Variants in COLGALT2 observed in about 807,000 individuals in gnomAD.
COLGALT2 encodes the protein collagen beta(1-O)galactosyltransferase 2.
COLGALT2 carries 49 observed loss-of-function variants against 73.4 expected under a neutral mutation model. The ratio of observed to expected loss-of-function variants is 0.67; its 90% CI spans 0.53 to 0.85. COLGALT2 has a LOEUF of 0.85. COLGALT2 is among the 40% of genes least tolerant of loss of function. COLGALT2 has a pLI of 0.00. For synonymous variants in COLGALT2, 295 were observed against 307.6 expected, an observed-to-expected ratio of 0.96 and a Z score of 0.43; for missense variants, 722 against 790.2, an observed-to-expected ratio of 0.91 and a Z score of 1.03.
At position 183,965,231 on chromosome 1, in the gene COLGALT2, G is replaced by T. The variant is rs566184274; in HGVS notation, c.833-1211C>A. Reference sequence around the variant, plus strand: ...AAAGTGCACCTTCTTGTAAAGTCATGATGAATTCAGGAAGTGGAAGGAAAA... The same window carrying T: ...AAAGTGCACCTTCTTGTAAAGTCATTATGAATTCAGGAAGTGGAAGGAAAA... On this transcript the variant is annotated intron_variant, in intron 5 of 11. Transcript: ENST00000361927. 7.2e-5 allele frequency among the ~76,000 whole-genome samples: 11 copies of T among 152,200 alleles called. No individual in the cohort carries two copies. The South Asian group carries it at 2.3e-3, about 32-fold the overall frequency.
chr1:183,948,330 A>G (rs577194610), intron 8 of COLGALT2, among the ~76,000 whole-genome samples: 6 of 152,340 alleles, frequency 3.9e-5, no homozygotes, highest in Non-Finnish European at 8.8e-5. Context: ...CTTCAAGCAA[A>G]TACTAGCAAG....
At chr1:183,930,288 G>A (rs1353002615) in exon 12 of COLGALT2, 2 of 456,158 alleles carry the variant, frequency 4.4e-6, no homozygotes, top group Middle Eastern at 3.2e-4. Context: ...CTTGAGAGGA[G>A]GCTGCACAGA....
At chr1:183,950,732 A>G (rs1368777698) in intron 8 of COLGALT2, among the ~76,000 whole-genome samples, 1 of 152,170 alleles carries the variant, frequency 6.6e-6, no homozygotes, top group Admixed American at 6.5e-5. Context: ...GAAAACCACC[A>G]CAACTGTTGC....
chr1:183,979,690 T>C (rs890636776), intron 1 of COLGALT2, among the ~76,000 whole-genome samples: 6 of 152,052 alleles, frequency 3.9e-5, no homozygotes, highest in African/African-American at 1.4e-4. Context: ...ACCCCTAATA[T>C]AGTAGAAAGT....
In COLGALT2 at chr1:183,951,022, T is replaced by G; in HGVS notation, c.1121A>C (p.Glu374Ala). The G allele has an allele frequency of 1.2e-6, 2 of 1,613,212 alleles. No homozygotes were observed. The highest frequency in any genetic ancestry group is 1.7e-6 in the Non-Finnish European group (2 of 1,179,258). ...CCCAACTCACTTTCCATCCACAGCCTCGACAATCTTGACCTCAATCTCCTG... is the reference window on the plus strand; with the variant it reads ...CCCAACTCACTTTCCATCCACAGCCGCGACAATCTTGACCTCAATCTCCTG... ...YEQEIEVKIV[E>A]AVDGKALNTS... The change falls in exon 8 of 12, where the codon GAG becomes GCG. Residue 374 changes from glutamate (E) to alanine (A), a missense_variant. Physicochemically the swap from Glu to Ala is moderately radical, Grantham distance 107. Coordinates refer to ENST00000361927, the MANE Select transcript of COLGALT2 (RefSeq NM_015101.4).
intron 3 of COLGALT2, 61 bp from the exon 4 acceptor site, chr1:183,973,811 T>C (rs1160962958): frequency 1.3e-6 from 2 of 1,538,168 alleles, no homozygotes; most frequent in Admixed American, 3.5e-5. Flanking sequence ...AGTTTGAGAA[T>C]AACCCAGCCC....
chr1:183,936,510 T>C lies in COLGALT2; in HGVS notation c.*2251A>G. 2.0e-6 allele frequency: 2 copies of C among 1,016,500 alleles called. No individual in the cohort carries two copies. Among genetic ancestry groups the C allele is most frequent in the Non-Finnish European group, 2.4e-6 (2 of 850,772 alleles). The allele number at this position is 1,016,500 out of a possible 1,614,324, so 63.0% of individuals were successfully genotyped here. ...GAGTTCTTAAATCTGTCAGACCAGC[T>C]GACAGGGGAACAGGAAAAAAAAAAT... On this transcript the variant is annotated 3_prime_UTR_variant, in exon 12 of 12. Coordinates refer to ENST00000361927, the MANE Select transcript of COLGALT2 (RefSeq NM_015101.4).
At chr1:184,032,208 T>C (rs1287337407) in intron 1 of COLGALT2, among the ~76,000 whole-genome samples, 1 of 152,198 alleles carries the variant, frequency 6.6e-6, no homozygotes, top group Admixed American at 6.5e-5. Context: ...GTTAGTTTCC[T>C]ATACTAATAT....
intron 1 of COLGALT2, among the ~76,000 whole-genome samples, chr1:184,013,218 C>A (rs780956881): frequency 6.6e-6 from 1 of 152,042 alleles, no homozygotes; most frequent in African/African-American, 2.4e-5. Flanking sequence ...AGGAGGCTGA[C>A]GCAGGAGAAT....
At chr1:183,939,558 G>A (rs1300300581) in intron 11 of COLGALT2, among the ~76,000 whole-genome samples, 1 of 152,150 alleles carries the variant, frequency 6.6e-6, no homozygotes, top group Non-Finnish European at 1.5e-5. Flanking sequence ...GAGTACATGA[G>A]GTGACATCTG....
chr1:183,959,523 C>T (rs61824787), intron 6 of COLGALT2, among the ~76,000 whole-genome samples: 29,888 of 152,004 alleles, frequency 0.2, 3,173 homozygotes, highest in Non-Finnish European at 0.21. Flanking sequence ...GCATTCAGGT[C>T]TCTGTAAGTC....
chr1:183,996,612 G>A (rs1353772835), intron 1 of COLGALT2, among the ~76,000 whole-genome samples: 2 of 152,170 alleles, frequency 1.3e-5, no homozygotes, highest in African/African-American at 4.8e-5. Flanking sequence ...CGTGAACAAA[G>A]GCCTGCCTAG....
intron 7 of COLGALT2, among the ~76,000 whole-genome samples, chr1:183,951,701 T>C (rs917783014): frequency 6.6e-6 from 1 of 152,032 alleles, no homozygotes; most frequent in Non-Finnish European, 1.5e-5. Context: ...AATGGAAGGA[T>C]ATTAAGAAAA....
chr1:183,967,022 C>T (rs1670894682), intron 5 of COLGALT2, among the ~76,000 whole-genome samples: 2 of 152,208 alleles, frequency 1.3e-5, no homozygotes, highest in African/African-American at 4.8e-5. Flanking sequence ...AATCATATTT[C>T]ATGAAGAAAG....
Position 183,936,806 on chromosome 1 carries a change from G to A in COLGALT2, c.*1955C>T, listed in dbSNP as rs967608292. On this transcript the variant is annotated 3_prime_UTR_variant, in exon 12 of 12. Coordinates refer to ENST00000361927, the MANE Select transcript of COLGALT2 (RefSeq NM_015101.4). ...GTCTAAGCGGCACAATTTAGAGTTG[G>A]GTGAGTTCCCTTTCCTCCAGCGGCC... The A allele has an allele frequency of 8.1e-7, 1 of 1,231,656 alleles. No homozygotes were observed. Among genetic ancestry groups the A allele is most frequent in the Non-Finnish European group, 1.0e-6 (1 of 987,968 alleles). The allele number at this position is 1,231,656 out of a possible 1,614,324, so 76.3% of individuals were successfully genotyped here. A position where few individuals can be genotyped will look rare whatever the true frequency, so the allele number is the denominator to read the frequency against.
chr1:183,990,384 A>G (rs1298727080), intron 1 of COLGALT2, among the ~76,000 whole-genome samples: 1 of 152,232 alleles, frequency 6.6e-6, no homozygotes, highest in African/African-American at 2.4e-5. Flanking sequence ...GACACTGGCT[A>G]TGCATGTCCT....
rs543807590 is a variant in COLGALT2 at position 183,946,847 on chromosome 1, C to T, written c.1137-1283G>A. Among the ~76,000 whole-genome samples the T allele has an allele frequency of 1.6e-3, 242 of 152,184 alleles. 2 individuals are homozygous for T. Among genetic ancestry groups the T allele is most frequent in the South Asian group, 0.013 (63 of 4,822 alleles). ...GAGATCGAGACCATCCTGGCTAACA[C>T]GGTGAAACCCCATCTCTACTAAAAA... is the stretch of plus-strand genomic sequence containing the variant. On this transcript the variant is annotated intron_variant, in intron 8 of 11. Coordinates refer to ENST00000361927, the MANE Select transcript of COLGALT2 (RefSeq NM_015101.4).
chr1:184,025,757 C>A (rs1249243478), intron 1 of COLGALT2, among the ~76,000 whole-genome samples: 1 of 152,176 alleles, frequency 6.6e-6, no homozygotes, highest in Non-Finnish European at 1.5e-5. Flanking sequence ...CAGTATAAAA[C>A]AGGATAAAAT....
chr1:184,035,046 T>C (rs529308373), intron 1 of COLGALT2, among the ~76,000 whole-genome samples: 1 of 152,250 alleles, frequency 6.6e-6, no homozygotes. Context: ...GACGCAAGCA[T>C]GGCCTTGCAC....
Sources: gnomAD v4.1 joint callset for allele counts (sites outside exome capture counted in the v4.1 genomes callset) on GRCh38, gnomAD v4.1.1 for gene constraint, MANE v1.5 for transcripts, NCBI Gene and HGNC (gene_info 2026-07-23, HGNC 2026-07-21) for gene names.